MAST2: variants seen among roughly 807,000 people sequenced by gnomAD.
The protein encoded by MAST2 is microtubule associated serine/threonine kinase 2, also known as microtubule-associated serine/threonine-protein kinase 2.
MAST2 carries 70 observed loss-of-function variants against 147.4 expected under a neutral mutation model. The ratio of observed to expected loss-of-function variants is 0.47; its 90% CI spans 0.39 to 0.58. MAST2 has a LOEUF of 0.58. MAST2 is among the 20% of genes least tolerant of loss of function. The pLI is 0.00. For missense variants in MAST2, 2,080 were observed against 2,302.3 expected, an observed-to-expected ratio of 0.90 and a Z score of 1.98; for synonymous variants, 869 against 896.8, an observed-to-expected ratio of 0.97 and a Z score of 0.55.
chr1:45,915,438 C>T (rs1652330702), intron 4 of MAST2, among the ~76,000 whole-genome samples: 4 of 152,142 alleles, frequency 2.6e-5, no homozygotes. Context: ...CGGCCAGGCG[C>T]GGTGGCTTAC....
At chr1:46,006,742 C>A in intron 8 of MAST2, 1 of 178,446 alleles carries the variant, frequency 5.6e-6, no homozygotes, top group Non-Finnish European at 1.2e-5. Flanking sequence ...AACCCATCAC[C>A]CCAGGAGGTA....
rs565774765 is a variant in MAST2 at position 46,035,776 on chromosome 1, G to A, written c.5107G>A (p.Gly1703Arg). The change falls in exon 29 of 29, where the codon GGG becomes AGG. Residue 1703 changes from glycine (G) to arginine (R), a missense_variant. Gly to Arg is a moderately radical substitution (Grantham distance 125). Coordinates refer to ENST00000361297, the MANE Select transcript of MAST2 (RefSeq NM_015112.3). The surrounding 1 kb of genome is among the most constrained non-coding windows in gnomAD (Gnocchi z 5.5). ...TAAGAACCTGTCTCCCAGGGAGCAG[G>A]GGAAGACACAGCCACCTAGTGCCCC... Reference protein sequence around the residue: ...QPKNLSPREQGKTQPPSAPRL... With the variant: ...QPKNLSPREQRKTQPPSAPRL... 4.3e-5 allele frequency: 70 copies of A among 1,614,068 alleles called. No individual in the cohort carries two copies. Among genetic ancestry groups the A allele is most frequent in the Non-Finnish European group, 5.5e-5 (65 of 1,180,028 alleles).
chr1:45,934,207 G>A (rs1655832450), intron 4 of MAST2, among the ~76,000 whole-genome samples: 1 of 152,072 alleles, frequency 6.6e-6, no homozygotes, highest in African/African-American at 2.4e-5. Flanking sequence ...CACTTAGGAT[G>A]GTGGCCTCTA....
intron 5 of MAST2, among the ~76,000 whole-genome samples, chr1:45,989,427 C>A (rs1482153035): frequency 2.6e-5 from 4 of 152,110 alleles, no homozygotes; most frequent in Admixed American, 1.3e-4. Flanking sequence ...CATTCATTTC[C>A]AAAGTTTCTT....
At position 45,857,850 on chromosome 1, in the gene MAST2, GTTTTTTTTTTT is replaced by G. The variant is rs35371770; in HGVS notation, c.469-24501_469-24491del. On this transcript the variant is annotated intron_variant, in intron 3 of 28. Coordinates refer to ENST00000361297, the MANE Select transcript of MAST2 (RefSeq NM_015112.3). ...CTACCTATGAGTGAGAACATGCGGT[GTTTTTTTTTTT>G]TTTTTTTTTTTTGTCCTTGCGATAG... Among the ~76,000 whole-genome samples, 97 of 66,588 alleles carry G rather than the reference GTTTTTTTTTTT, an allele frequency of 1.5e-3. 2 individuals carry two copies. Among genetic ancestry groups the G allele is most frequent in the African/African-American group, 5.7e-3 (96 of 16,952 alleles). The allele number at this position is 66,588 out of a possible 152,430, so 43.7% of individuals were successfully genotyped here. A position where few individuals can be genotyped will look rare whatever the true frequency, so the allele number is the denominator to read the frequency against.
At position 46,023,022 on chromosome 1, in the gene MAST2, C is replaced by A; in HGVS notation, c.1485+51C>A. 6.5e-7 allele frequency: 1 copy of A among 1,534,996 alleles called. No homozygotes were observed. Among genetic ancestry groups the A allele is most frequent in the Non-Finnish European group, 9.0e-7 (1 of 1,110,386 alleles). On this transcript the variant is annotated intron_variant, in intron 13 of 28. Coordinates refer to ENST00000361297, the MANE Select transcript of MAST2 (RefSeq NM_015112.3). This position sits in a 1 kb window ranked among gnomAD's most constrained non-coding sequence, Gnocchi z 4.9. ...TTCCTGGAGCCTGGGCCCTATGAAG[C>A]AAAGAGCTATGAATTCTCTTTAAGA...
Position 46,031,592 on chromosome 1 carries a change from C to G in MAST2, c.3187+7C>G, listed in dbSNP as rs747232317. 11 of 1,605,584 alleles carry G rather than the reference C, an allele frequency of 6.9e-6. No homozygotes were observed. Among genetic ancestry groups the G allele is most frequent in the Non-Finnish European group, 9.4e-6 (11 of 1,173,456 alleles). Reference sequence around the variant, plus strand: ...TCACTCCTCATTCCTTCGGGTGAGGCCCCTGGGGAGCTGGGATAAAACTCA... The same window carrying G: ...TCACTCCTCATTCCTTCGGGTGAGGGCCCTGGGGAGCTGGGATAAAACTCA... On this transcript the variant is annotated splice_region_variant and intron_variant, in intron 24 of 28. Transcript: ENST00000361297. The surrounding 1 kb of genome is among the most constrained non-coding windows in gnomAD (Gnocchi z 4.1).
intron 4 of MAST2, among the ~76,000 whole-genome samples, chr1:45,904,673 C>G (rs185310892): frequency 8.8e-4 from 134 of 152,168 alleles, no homozygotes; most frequent in Non-Finnish European, 1.6e-3. Flanking sequence ...GCCATATTGC[C>G]CAAGCTGGTC....
Position 45,904,195 on chromosome 1 carries a change from G to A in MAST2, c.500+21800G>A, listed in dbSNP as rs892652176. Reference sequence around the variant, plus strand: ...TTTAATTTTTTTTTTTTTTTGAGACGAAGGCTTACTCTTGTCCCCCAGGCT... The same window carrying A: ...TTTAATTTTTTTTTTTTTTTGAGACAAAGGCTTACTCTTGTCCCCCAGGCT... On this transcript the variant is annotated intron_variant, in intron 4 of 28. Coordinates refer to ENST00000361297, the MANE Select transcript of MAST2 (RefSeq NM_015112.3). Among the ~76,000 whole-genome samples the A allele has an allele frequency of 2.0e-4, 29 of 146,380 alleles. No individual in the cohort carries two copies. The East Asian group carries it at 5.1e-3, about 26-fold the overall frequency.
At chr1:46,030,474 C>A in intron 21 of MAST2, 133 bp from the exon 22 acceptor site, 1 of 1,086,708 alleles carries the variant, frequency 9.2e-7, no homozygotes, top group Non-Finnish European at 1.3e-6. Context: ...CCCAAATATT[C>A]AGCAGGGGTG....
chr1:45,940,880 A>G (rs553143049), intron 4 of MAST2, among the ~76,000 whole-genome samples: 4 of 152,212 alleles, frequency 2.6e-5, no homozygotes, highest in African/African-American at 9.6e-5. Flanking sequence ...CAGCCTCCCA[A>G]AGTGCTGGGA....
chr1:45,923,328 GTCATGGCAGTGACTGCT>G (rs1653841242), intron 4 of MAST2, among the ~76,000 whole-genome samples: 2 of 152,196 alleles, frequency 1.3e-5, no homozygotes, highest in Admixed American at 1.3e-4. Context: ...TGCAGCCGGC[GTCATGGCAGTGACTGCT>G]TCATGGCAGT....
At chr1:45,897,551 G>A (rs773050564) in intron 4 of MAST2, among the ~76,000 whole-genome samples, 53 of 152,340 alleles carry the variant, frequency 3.5e-4, no homozygotes, top group Middle Eastern at 3.4e-3. Context: ...GGTCATGCCT[G>A]TAATCCCAGC....
intron 5 of MAST2, among the ~76,000 whole-genome samples, chr1:45,972,929 A>T (rs1266399335): frequency 6.6e-6 from 1 of 152,106 alleles, no homozygotes; most frequent in Non-Finnish European, 1.5e-5. Context: ...TTTTCTCATA[A>T]TCTCAAAGCA....
intron 4 of MAST2, among the ~76,000 whole-genome samples, chr1:45,907,479 T>TGA (rs1553229180): frequency 4.9e-4 from 75 of 151,714 alleles, no homozygotes; most frequent in African/African-American, 1.8e-3. Flanking sequence ...TTTTTTTTTT[T>TGA]GAGAGAGTCT....
intron 15 of MAST2, among the ~76,000 whole-genome samples, chr1:46,024,517 A>G (rs140989583): frequency 7.9e-5 from 12 of 152,288 alleles, no homozygotes; most frequent in Non-Finnish European, 1.6e-4. Context: ...GCCTCCAAAG[A>G]TACTGTGCCT....
Position 45,824,570 on chromosome 1 carries a change from C to G in MAST2, c.315C>G (p.Ser105Arg). Residue 105 changes from serine to arginine, a missense_variant, in exon 2 of 29, where the codon AGC becomes AGG. Physicochemically the swap from Ser to Arg is moderately radical, Grantham distance 110. This residue lies in a region of MAST2 where 569 missense variants were observed against 642.5 expected (regional missense o/e 0.89). Coordinates refer to ENST00000361297, the MANE Select transcript of MAST2 (RefSeq NM_015112.3). ...DCKLWRGNLA[S>R]SLSGKQLLPL... ...AGTTATGGAGAGGAAACCTGGCCAGCTCTCTATCGGGTAAATATCTGATTT... is the reference window on the plus strand; with the variant it reads ...AGTTATGGAGAGGAAACCTGGCCAGGTCTCTATCGGGTAAATATCTGATTT... 6.3e-7 allele frequency: 1 copy of G among 1,596,164 alleles called. No individual in the cohort carries two copies. The highest frequency in any genetic ancestry group is 1.1e-5 in the South Asian group (1 of 88,382).
chr1:45,884,644 T>C (rs1419137259), intron 4 of MAST2, among the ~76,000 whole-genome samples: 1 of 152,240 alleles, frequency 6.6e-6, no homozygotes, highest in East Asian at 1.9e-4. Context: ...AGATAAATTC[T>C]TCTCTTTTGA....
chr1:45,806,839 A>G (rs1156416784), intron 1 of MAST2, among the ~76,000 whole-genome samples: 1 of 152,118 alleles, frequency 6.6e-6, no homozygotes, highest in African/African-American at 2.4e-5. Context: ...GGCCTCCCAA[A>G]GTGCTGGGAT....
Sources: allele counts gnomAD v4.1 joint callset (sites outside exome capture counted in the v4.1 genomes callset), GRCh38; gene constraint gnomAD v4.1.1; regional missense constraint gnomAD v4.1.1; non-coding constraint Gnocchi (gnomAD v3.1); transcripts MANE v1.5; gene names NCBI Gene and HGNC (gene_info 2026-07-23, HGNC 2026-07-21).